FAM117B: variants seen among roughly 807,000 people sequenced by gnomAD.
FAM117B encodes the protein family with sequence similarity 117 member B.
FAM117B carries 22 observed loss-of-function variants against 52.8 expected under a neutral mutation model. The ratio of observed to expected loss-of-function variants is 0.42; its 90% confidence interval spans 0.30 to 0.59. The LOEUF is 0.59. Ranked by LOEUF, FAM117B falls within the 20% of genes least tolerant of loss-of-function variation. The pLI, the probability that FAM117B is intolerant of heterozygous loss-of-function variation, is 0.22. For synonymous variants in FAM117B, 309 were observed against 324.1 expected (o/e 0.95, Z 0.50); for missense variants, 678 against 802.6 (o/e 0.84, Z 1.88).
chr2:202,647,402 AGTTT>A (rs1689888371), intron 1 of FAM117B, among the ~76,000 whole-genome samples: 2 of 152,182 alleles, frequency 1.3e-5, no homozygotes, highest in African/African-American at 4.8e-5. Context: ...TGAAAAAAAC[AGTTT>A]ATTTATTTCA....
At chr2:202,694,391 A>ATG (rs948760078) in intron 1 of FAM117B, among the ~76,000 whole-genome samples, 3 of 151,576 alleles carry the variant, frequency 2.0e-5, no homozygotes, top group African/African-American at 7.3e-5. Flanking sequence ...GGGTTTCGCC[A>ATG]TGTTGGCCAG....
chr2:202,745,558 C>T (rs1266023742), intron 4 of FAM117B, among the ~76,000 whole-genome samples: 1 of 152,022 alleles, frequency 6.6e-6, no homozygotes, highest in East Asian at 1.9e-4. Context: ...ATATACAAAA[C>T]AATCAAAAAA....
rs780138718 is a variant in FAM117B, at chr2:202,731,368, T to TATATATATATATATATAG, written c.960+5005_960+5006insATATATATATATATATAG. Among the ~76,000 whole-genome samples the TATATATATATATATATAG allele has an allele frequency of 9.6e-3, 920 of 95,708 alleles. 89 individuals carry two copies. The highest frequency in any genetic ancestry group is 0.015 in the Non-Finnish European group (674 of 45,724). The allele number at this position is 95,708 out of a possible 152,430, so 62.8% of individuals were successfully genotyped here. On this transcript the variant is annotated intron_variant, in intron 4 of 7. Transcript: ENST00000392238. ...ATATATATATATATATATATATATA[T>TATATATATATATATATAG]GGAGAGAGAGAGAAGCTCCTTCTCA... is the stretch of plus-strand genomic sequence containing the variant.
chr2:202,700,766 A>G (rs1690785663), intron 2 of FAM117B, among the ~76,000 whole-genome samples: 2 of 151,212 alleles, frequency 1.3e-5, no homozygotes, highest in Non-Finnish European at 2.9e-5. Context: ...AGCTCGGTAC[A>G]ACCTTAAACT....
chr2:202,662,343 T>C (rs1177957701), intron 1 of FAM117B, among the ~76,000 whole-genome samples: 1 of 152,002 alleles, frequency 6.6e-6, no homozygotes, highest in Non-Finnish European at 1.5e-5. Context: ...ATTCGTTTCA[T>C]AGGAGTAGAG....
intron 1 of FAM117B, among the ~76,000 whole-genome samples, chr2:202,668,062 A>G (rs1690231156): frequency 6.9e-6 from 1 of 145,930 alleles, no homozygotes; most frequent in African/African-American, 2.5e-5. Context: ...AAATATATAT[A>G]TATTGTAAAT....
chr2:202,687,054 CAGA>C (rs1361153735), intron 1 of FAM117B, among the ~76,000 whole-genome samples: 4 of 152,164 alleles, frequency 2.6e-5, no homozygotes, highest in Middle Eastern at 3.4e-3. Context: ...ACCTGAGAAC[CAGA>C]AGGAGTTGAC....
At chr2:202,678,444 A>G (rs1470349048) in intron 1 of FAM117B, among the ~76,000 whole-genome samples, 1 of 152,216 alleles carries the variant, frequency 6.6e-6, no homozygotes, top group African/African-American at 2.4e-5. Context: ...TTAATATGCA[A>G]ATGCAGGGTG....
In FAM117B at chr2:202,768,961, G is replaced by A. The variant is rs1030865002; in HGVS notation, c.*3197G>A. Reference sequence around the variant, plus strand: ...ATTTACTGTTTCTGATCATGACTGAGTCTATTACTTGTCATGGCTTTTGTA... The same window carrying A: ...ATTTACTGTTTCTGATCATGACTGAATCTATTACTTGTCATGGCTTTTGTA... On this transcript the variant is annotated 3_prime_UTR_variant, in exon 8 of 8. Coordinates refer to ENST00000392238, the MANE Select transcript of FAM117B (RefSeq NM_173511.4). The A allele has an allele frequency of 6.6e-6, 1 of 151,892 alleles. No homozygotes were observed. The highest frequency in any genetic ancestry group is 1.5e-5 in the Non-Finnish European group (1 of 67,992). 9.4% of individuals were successfully genotyped at this position (151,892 alleles called of 1,614,324 possible).
At chr2:202,636,024 TC>T (rs1689681368) in intron 1 of FAM117B, among the ~76,000 whole-genome samples, 1 of 126,230 alleles carries the variant, frequency 7.9e-6, no homozygotes, top group African/African-American at 2.9e-5. Flanking sequence ...CCCGCACGGC[TC>T]CCTGGTGGTG....
chr2:202,674,031 C>CA (rs937221682), intron 1 of FAM117B, among the ~76,000 whole-genome samples: 11 of 152,104 alleles, frequency 7.2e-5, no homozygotes, highest in African/African-American at 2.4e-4. Flanking sequence ...CTGCACCCCC[C>CA]CCACCTCTGA....
intron 1 of FAM117B, among the ~76,000 whole-genome samples, chr2:202,636,199 G>T (rs1028661223): frequency 6.6e-6 from 1 of 152,194 alleles, no homozygotes; most frequent in Non-Finnish European, 1.5e-5. Context: ...TGTTGGCATA[G>T]CCCATATCTG....
At chr2:202,745,035 A>T (rs1387381170) in intron 4 of FAM117B, among the ~76,000 whole-genome samples, 7 of 127,264 alleles carry the variant, frequency 5.5e-5, no homozygotes, top group Admixed American at 4.8e-4. Flanking sequence ...TAATCCTAGC[A>T]CTTTGGGAGG....
rs531049616 is a variant in FAM117B, at chr2:202,649,701, G to T, written c.601+13913G>T. On this transcript the variant is annotated intron_variant, in intron 1 of 7. Transcript: ENST00000392238. ...CGAGTAGCTGGGATCACAGGCACGC[G>T]CCACCACACTGGGCTAATTTTTGTG... Among the ~76,000 whole-genome samples the T allele has an allele frequency of 3.3e-5, 5 of 151,694 alleles. No homozygotes were observed. In the East Asian group the frequency reaches 9.7e-4, roughly 30 times the overall value.
At chr2:202,667,524 G>C (rs1464096405) in intron 1 of FAM117B, among the ~76,000 whole-genome samples, 1 of 152,046 alleles carries the variant, frequency 6.6e-6, no homozygotes, top group Non-Finnish European at 1.5e-5. Flanking sequence ...TTTTTCCATA[G>C]AAATAATATT....
intron 2 of FAM117B, among the ~76,000 whole-genome samples, chr2:202,700,755 T>C (rs1312416876): frequency 6.6e-6 from 1 of 151,102 alleles, no homozygotes; most frequent in Non-Finnish European, 1.5e-5. Context: ...AATGCAGTCA[T>C]AGCTCGGTAC....
intron 1 of FAM117B, among the ~76,000 whole-genome samples, chr2:202,646,113 G>A (rs903066675): frequency 2.0e-5 from 3 of 150,564 alleles, no homozygotes; most frequent in Non-Finnish European, 4.4e-5. Flanking sequence ...TTCAGCCTTC[G>A]CCTCCCGGGT....
intron 1 of FAM117B, among the ~76,000 whole-genome samples, chr2:202,672,316 G>A (rs1282298741): frequency 6.6e-6 from 1 of 152,166 alleles, no homozygotes; most frequent in African/African-American, 2.4e-5. Context: ...GGGTTCAAGC[G>A]ATTTACCCAC....
At chr2:202,698,118 G>T (rs1293177766) in intron 2 of FAM117B, among the ~76,000 whole-genome samples, 1 of 152,184 alleles carries the variant, frequency 6.6e-6, no homozygotes, top group African/African-American at 2.4e-5. Context: ...TGATCTGCCA[G>T]CCTCCCAAAG....
Sources: gnomAD v4.1 joint callset for allele counts (sites outside exome capture counted in the v4.1 genomes callset) on GRCh38, gnomAD v4.1.1 for gene constraint, MANE v1.5 for transcripts, NCBI Gene and HGNC (gene_info 2026-07-23, HGNC 2026-07-21) for gene names.